The following TRIM62 variants were observed in gnomAD, a reference collection of about 807,000 sequenced individuals.
TRIM62 encodes tripartite motif containing 62.
Under a neutral mutation model 44.2 loss-of-function variants are expected in TRIM62, and 39 were observed. The ratio of observed to expected loss-of-function variants is 0.88; its 90% CI spans 0.68 to 1.15. The LOEUF (loss-of-function observed/expected upper bound fraction) is 1.15, where lower values mean the gene tolerates loss of function less well. TRIM62 is among the 50% of genes most tolerant of loss of function. The pLI is 0.00. For synonymous variants in TRIM62, 278 were observed against 292.3 expected (o/e 0.95, Z 0.50); for missense variants, 544 against 665.5 (o/e 0.82, Z 2.01).
rs542892983 is a variant in TRIM62 at position 33,167,770 on chromosome 1, A to G, written c.409-2204T>C. Among the ~76,000 whole-genome samples the G allele has an allele frequency of 6.6e-6, 1 of 152,352 alleles. No homozygotes were observed. Among genetic ancestry groups the G allele is most frequent in the Non-Finnish European group, 1.5e-5 (1 of 68,036 alleles). On this transcript the variant is annotated intron_variant, in intron 1 of 4. Coordinates refer to ENST00000291416, the MANE Select transcript of TRIM62 (RefSeq NM_018207.3). The surrounding 1 kb of genome is among the most constrained non-coding windows in gnomAD (Gnocchi z 4.2). ...AGGGCCTTGGTAAATGTCTAGTTCAATTAATTTTACAGACTAGGCAGCAAC... is the reference window on the plus strand; with the variant it reads ...AGGGCCTTGGTAAATGTCTAGTTCAGTTAATTTTACAGACTAGGCAGCAAC...
intron 1 of TRIM62, among the ~76,000 whole-genome samples, chr1:33,175,988 C>T (rs1267543346): frequency 6.6e-6 from 1 of 152,198 alleles, no homozygotes; most frequent in Non-Finnish European, 1.5e-5. Context: ...GCAAAGGTAT[C>T]CTGGCTGCCC....
chr1:33,165,380 AGGCCCCGCCCCTCTTCCCCAGCT>A lies in TRIM62; in HGVS notation c.504+68_504+90del. On this transcript the variant is annotated intron_variant, in intron 2 of 4. Transcript: ENST00000291416. The surrounding 1 kb of genome is among the most constrained non-coding windows in gnomAD (Gnocchi z 4.0). ...AAGCCAGGTTTCCACCGCACACCCGAGGCCCCGCCCCTCTTCCCCAGCTGGCCCCGCCCCTCGAAGCCCTGCCC... is the reference window on the plus strand; with the variant it reads ...AAGCCAGGTTTCCACCGCACACCCGAGGCCCCGCCCCTCGAAGCCCTGCCC... 3 of 1,217,096 alleles carry A rather than the reference AGGCCCCGCCCCTCTTCCCCAGCT, an allele frequency of 2.5e-6. No individual in the cohort carries two copies. Among genetic ancestry groups the A allele is most frequent in the Admixed American group, 2.3e-5 (1 of 43,472 alleles). 75.4% of individuals were successfully genotyped at this position (1,217,096 alleles called of 1,614,324 possible). A position where few individuals can be genotyped will look rare whatever the true frequency, so the allele number is the denominator to read the frequency against.
chr1:33,154,798 CAA>C (rs1362647592), intron 4 of TRIM62, among the ~76,000 whole-genome samples: 3 of 102,794 alleles, frequency 2.9e-5, no homozygotes. Flanking sequence ...ACTCCGTATC[CAA>C]AAAAAAAAAG....
intron 4 of TRIM62, among the ~76,000 whole-genome samples, chr1:33,149,155 T>C (rs1370694403): frequency 6.6e-6 from 1 of 152,204 alleles, no homozygotes. Context: ...CTCTTCTTTT[T>C]CTTATTTATT....
chr1:33,165,502 T>G lies in TRIM62; in HGVS notation c.473A>C (p.Gln158Pro). 1 of 1,609,454 alleles carries G rather than the reference T, an allele frequency of 6.2e-7. No individual in the cohort carries two copies. The highest frequency in any genetic ancestry group is 8.5e-7 in the Non-Finnish European group (1 of 1,177,956). ...DSEREHTEAL[Q>P]LLKRQLAETK... is the part of the protein sequence containing the mutation. ...CTCCGCCAGTTGTCGCTTGAGCAGCTGCAGCGCTTCGGTGTGTTCCCGCTC... is the reference window on the plus strand; with the variant it reads ...CTCCGCCAGTTGTCGCTTGAGCAGCGGCAGCGCTTCGGTGTGTTCCCGCTC... The change falls in exon 2 of 5, where the codon CAG becomes CCG. Residue 158 changes from glutamine (Q) to proline (P), a missense_variant. Coordinates refer to ENST00000291416, the MANE Select transcript of TRIM62 (RefSeq NM_018207.3). The surrounding 1 kb of genome is among the most constrained non-coding windows in gnomAD (Gnocchi z 4.0).
chr1:33,176,072 A>G (rs1175883592), intron 1 of TRIM62, among the ~76,000 whole-genome samples: 1 of 152,178 alleles, frequency 6.6e-6, no homozygotes, highest in Non-Finnish European at 1.5e-5. Flanking sequence ...CTTTGCCCTC[A>G]CAGAGGCTGC....
In TRIM62 at chr1:33,165,682, C is replaced by G; in HGVS notation, c.409-116G>C. ...TGGTCTCTGTCCCCAACCTCCAACA[C>G]TTGCCTCCCGTCACAGTTCAACCAC... On this transcript the variant is annotated intron_variant, in intron 1 of 4. Transcript: ENST00000291416. The surrounding 1 kb of genome is among the most constrained non-coding windows in gnomAD (Gnocchi z 4.0). 2.5e-6 allele frequency: 2 copies of G among 814,654 alleles called. No homozygotes were observed. The highest frequency in any genetic ancestry group is 3.1e-5 in the East Asian group (1 of 32,002). The allele number at this position is 814,654 out of a possible 1,614,324, so 50.5% of individuals were successfully genotyped here.
At position 33,177,702 on chromosome 1, in the gene TRIM62, G is replaced by A. The variant is rs1232954600; in HGVS notation, c.408+3323C>T. ...TGGAGTTTGCTACTGGCATCTAATG[G>A]GTAGAGGCCAGGAATGCTACCAGAC... is the stretch of plus-strand genomic sequence containing the variant. On this transcript the variant is annotated intron_variant, in intron 1 of 4. Coordinates refer to ENST00000291416, the MANE Select transcript of TRIM62 (RefSeq NM_018207.3). The surrounding 1 kb of genome is among the most constrained non-coding windows in gnomAD (Gnocchi z 4.1). Among the ~76,000 whole-genome samples the A allele has an allele frequency of 6.6e-6, 1 of 152,080 alleles. No individual in the cohort carries two copies. Among genetic ancestry groups the A allele is most frequent in the Non-Finnish European group, 1.5e-5 (1 of 68,014 alleles).
rs555590050 is a variant in TRIM62, at chr1:33,166,596, G to A, written c.409-1030C>T. ...TCTGATGGAGAAAAAGATACAGAGA[G>A]GTCAAGAAACTGGCCCCATAGCATA... On this transcript the variant is annotated intron_variant, in intron 1 of 4. Transcript: ENST00000291416. Among the ~76,000 whole-genome samples, 4 of 152,236 alleles carry A rather than the reference G, an allele frequency of 2.6e-5. No individual in the cohort carries two copies. In the South Asian group the frequency reaches 6.3e-4, roughly 24 times the overall value.
Position 33,158,112 on chromosome 1 carries a change from C to G in TRIM62, c.877+141G>C, listed in dbSNP as rs12402704. On this transcript the variant is annotated intron_variant, in intron 4 of 4. Transcript: ENST00000291416. ...TGAGTGATTGTGCAGGTGCCCAGGA[C>G]AGGTCCTGGAACACACTAGGTGCTC... is the stretch of plus-strand genomic sequence containing the variant. 60 of 669,944 alleles carry G rather than the reference C, an allele frequency of 9.0e-5. 2 individuals are homozygous for G. In the Admixed American group the frequency reaches 1.5e-3, roughly 17 times the overall value. 41.5% of individuals were successfully genotyped at this position (669,944 alleles called of 1,614,324 possible).
intron 4 of TRIM62, among the ~76,000 whole-genome samples, chr1:33,157,364 T>A (rs1645193642): frequency 6.6e-6 from 1 of 152,118 alleles, no homozygotes; most frequent in African/African-American, 2.4e-5. Context: ...GGAGCACTCT[T>A]CCTCCAGATA....
At chr1:33,160,694 C>T (rs549266694) in intron 2 of TRIM62, among the ~76,000 whole-genome samples, 1 of 152,262 alleles carries the variant, frequency 6.6e-6, no homozygotes, top group Non-Finnish European at 1.5e-5. Flanking sequence ...CGTGAGCCAT[C>T]GTGCCCGGCT....
rs1484266468 is a variant in TRIM62 at position 33,165,341 on chromosome 1, G to A, written c.504+130C>T. On this transcript the variant is annotated intron_variant, in intron 2 of 4. Transcript: ENST00000291416. The surrounding 1 kb of genome is among the most constrained non-coding windows in gnomAD (Gnocchi z 4.0). ...TCCCCACCCTGCCCTTCTCACTCCA[G>A]GTTTGGCTCCTTGAAGCCAGGTTTC... The A allele has an allele frequency of 8.7e-6, 7 of 800,988 alleles. No homozygotes were observed. In the African/African-American group the frequency reaches 1.0e-4, roughly 12 times the overall value. 49.6% of individuals were successfully genotyped at this position (800,988 alleles called of 1,614,324 possible). A position where few individuals can be genotyped will look rare whatever the true frequency, so the allele number is the denominator to read the frequency against.
chr1:33,166,936 A>G (rs1176176283), intron 1 of TRIM62, among the ~76,000 whole-genome samples: 1 of 152,110 alleles, frequency 6.6e-6, no homozygotes, highest in African/African-American at 2.4e-5. Flanking sequence ...ATTAAATACT[A>G]TTCATCTTGA....
intron 1 of TRIM62, among the ~76,000 whole-genome samples, chr1:33,175,760 G>A (rs1028767028): frequency 1.3e-5 from 2 of 151,968 alleles, no homozygotes; most frequent in Admixed American, 6.5e-5. Flanking sequence ...AGTAGGGAAC[G>A]AAAAAATCCT....
At position 33,147,650 on chromosome 1, in the gene TRIM62, A is replaced by G. The variant is rs1219518899; in HGVS notation, c.955T>C (p.Tyr319His). The change falls in exon 5 of 5, where the codon TAC (tyrosine) becomes CAC (histidine). Residue 319 changes from tyrosine to histidine, a missense_variant. Physicochemically the swap from Tyr to His is moderately conservative, Grantham distance 83 (BLOSUM62 2). Transcript: ENST00000291416. The surrounding 1 kb of genome is among the most constrained non-coding windows in gnomAD (Gnocchi z 8.1). ...ILSDDCTIVA[Y>H]GNLHPQPLQD... is the part of the protein sequence containing the mutation. The stretch of plus-strand genomic sequence containing the variant: ...AGTGGCTGTGGGTGCAAGTTGCCGT[A>G]AGCCACAATGGTGCAGTCGTCCGAC... The G allele has an allele frequency of 6.2e-7, 1 of 1,613,946 alleles. No individual in the cohort carries two copies. Among genetic ancestry groups the G allele is most frequent in the Non-Finnish European group, 8.5e-7 (1 of 1,180,036 alleles).
chr1:33,148,952 T>C (rs1269551669), intron 4 of TRIM62, among the ~76,000 whole-genome samples: 3 of 152,152 alleles, frequency 2.0e-5, no homozygotes, highest in Non-Finnish European at 4.4e-5. Context: ...CAGTCCTTTC[T>C]CCCAGCCAAC....
At chr1:33,180,994 G>T in intron 1 of TRIM62, 31 bp downstream of exon 1, 1 of 607,810 alleles carries the variant, frequency 1.6e-6, no homozygotes, top group South Asian at 2.8e-5. Context: ...GCCCGGCCCC[G>T]CCCCTTCCCC....
In TRIM62 at chr1:33,161,157, A is replaced by G. The variant is rs1645260660; in HGVS notation, c.505-1213T>C. ...AGGGGGTGTTGTTGTGCGCACTCCA[A>G]GGCGCAGAGAAAGAGCCTGGTTATT... On this transcript the variant is annotated intron_variant, in intron 2 of 4. Coordinates refer to ENST00000291416, the MANE Select transcript of TRIM62 (RefSeq NM_018207.3). The surrounding 1 kb of genome is among the most constrained non-coding windows in gnomAD (Gnocchi z 4.3). Among the ~76,000 whole-genome samples, 1 of 152,256 alleles carries G rather than the reference A, an allele frequency of 6.6e-6. No individual in the cohort carries two copies. The highest frequency in any genetic ancestry group is 6.5e-5 in the Admixed American group (1 of 15,284).
Sources: gnomAD v4.1 joint callset for allele counts (sites outside exome capture counted in the v4.1 genomes callset) on GRCh38, gnomAD v4.1.1 for gene constraint, Gnocchi (gnomAD v3.1) non-coding constraint, MANE v1.5 for transcripts, NCBI Gene and HGNC (gene_info 2026-07-23, HGNC 2026-07-21) for gene names.